SLC38A1: variants seen among roughly 807,000 people sequenced by gnomAD.
The protein encoded by SLC38A1 is solute carrier family 38 member 1.
In SLC38A1, 18 loss-of-function variants were observed where a neutral mutation model predicts 60.3. That is an observed-to-expected ratio of 0.30 (90% CI 0.21 to 0.44). The LOEUF is 0.44. Ranked by LOEUF, SLC38A1 falls within the 20% of genes least tolerant of loss-of-function variation. SLC38A1 has a pLI of 1.00. For synonymous variants in SLC38A1, 196 were observed against 212.1 expected (o/e 0.92, Z 0.66); for missense variants, 448 against 587.2 (o/e 0.76, Z 2.45).
chr12:46,236,703 C>A (rs1941272046), intron 3 of SLC38A1, among the ~76,000 whole-genome samples: 1 of 152,142 alleles, frequency 6.6e-6, no homozygotes, highest in Admixed American at 6.5e-5. Context: ...TTAAGACAGT[C>A]CCTTTTCACA....
intron 5 of SLC38A1, among the ~76,000 whole-genome samples, chr12:46,222,788 C>T (rs1022482692): frequency 6.6e-6 from 1 of 152,166 alleles, no homozygotes; most frequent in Non-Finnish European, 1.5e-5. Context: ...CAGGAACCCA[C>T]ATGACAAATA....
At chr12:46,256,842 C>T (rs1942046979) in intron 1 of SLC38A1, among the ~76,000 whole-genome samples, 1 of 152,208 alleles carries the variant, frequency 6.6e-6, no homozygotes, top group African/African-American at 2.4e-5. Flanking sequence ...ATAGACATTA[C>T]CACTGTGCTT....
At position 46,207,704 on chromosome 12, in the gene SLC38A1, C is replaced by T. The variant is rs371085595; in HGVS notation, c.389-83G>A. On this transcript the variant is annotated intron_variant, in intron 6 of 16. Coordinates refer to ENST00000398637, the MANE Select transcript of SLC38A1 (RefSeq NM_030674.4). The stretch of plus-strand genomic sequence containing the variant: ...AGTCAAGATTTTGTCATTCTATTGA[C>T]TGTTCCCCAAGTTACTATGTGCCTT... The T allele has an allele frequency of 5.2e-5, 70 of 1,335,638 alleles. No homozygotes were observed. The East Asian group carries it at 1.2e-3, about 23-fold the overall frequency. 82.7% of individuals were successfully genotyped at this position (1,335,638 alleles called of 1,614,324 possible). A position where few individuals can be genotyped will look rare whatever the true frequency, so the allele number is the denominator to read the frequency against.
chr12:46,190,192 G>GT lies in SLC38A1; in HGVS notation c.1363-1122dup, dbSNP rs531181837. On this transcript the variant is annotated intron_variant, in intron 16 of 16. Transcript: ENST00000398637. ...TATGAGTGAAAACATGCAGTGTTTG[G>GT]TTTTTTGTCCTTGTGATAGTTTGCT... Among the ~76,000 whole-genome samples, 474 of 152,220 alleles carry GT rather than the reference G, an allele frequency of 3.1e-3. 5 individuals carry two copies. Among genetic ancestry groups the GT allele is most frequent in the African/African-American group, 1.0e-2 (415 of 41,538 alleles).
intron 13 of SLC38A1, among the ~76,000 whole-genome samples, chr12:46,199,915 A>G (rs561262715): frequency 2.0e-5 from 3 of 152,204 alleles, no homozygotes; most frequent in Non-Finnish European, 4.4e-5. Context: ...AAGTTATAAT[A>G]CCAATCTCAC....
chr12:46,219,252 G>T (rs751965104), intron 5 of SLC38A1, among the ~76,000 whole-genome samples: 1 of 152,240 alleles, frequency 6.6e-6, no homozygotes, highest in Non-Finnish European at 1.5e-5. Flanking sequence ...AAGCAAGATA[G>T]AGTTGGTTAG....
intron 1 of SLC38A1, among the ~76,000 whole-genome samples, chr12:46,245,324 A>T (rs998464900): frequency 2.6e-5 from 4 of 152,236 alleles, no homozygotes; most frequent in African/African-American, 9.6e-5. Context: ...ACATTTCTCC[A>T]AAGAATACAT....
At chr12:46,258,921 T>A (rs1942114911) in intron 1 of SLC38A1, among the ~76,000 whole-genome samples, 1 of 152,218 alleles carries the variant, frequency 6.6e-6, no homozygotes, top group South Asian at 2.1e-4. Flanking sequence ...CCCAAAGTGC[T>A]GGGATTACAG....
intron 16 of SLC38A1, among the ~76,000 whole-genome samples, chr12:46,190,717 G>A (rs1318062257): frequency 6.6e-6 from 1 of 152,132 alleles, no homozygotes; most frequent in Non-Finnish European, 1.5e-5. Context: ...TGTGTCTGTT[G>A]ACTGCATAAA....
rs562374554 is a variant in SLC38A1 at position 46,216,739 on chromosome 12, G to A, written c.315-7612C>T. On this transcript the variant is annotated intron_variant, in intron 5 of 16. Transcript: ENST00000398637. ...CCTGGGCATAGCGGCGTATGCCTGT[G>A]GTCCCAGCTACTCGGGAGGCTGAGG... 3.3e-5 allele frequency among the ~76,000 whole-genome samples: 5 copies of A among 152,174 alleles called. No individual in the cohort carries two copies. The South Asian group carries it at 1.0e-3, about 32-fold the overall frequency.
chr12:46,236,395 C>G (rs1454984611), intron 3 of SLC38A1, among the ~76,000 whole-genome samples: 1 of 152,108 alleles, frequency 6.6e-6, no homozygotes, highest in African/African-American at 2.4e-5. Flanking sequence ...AGTGCAGAGC[C>G]TATGTTCTTA....
At chr12:46,200,155 T>G (rs1420682492) in intron 13 of SLC38A1, among the ~76,000 whole-genome samples, 1 of 152,192 alleles carries the variant, frequency 6.6e-6, no homozygotes, top group Admixed American at 6.5e-5. Context: ...CAACACCATT[T>G]TTATGTAAAA....
rs1041246227 is a variant in SLC38A1, at chr12:46,183,676, G to T, written c.*5294C>A. ...AACAATTTGTCATTTGGGTATATCT[G>T]TTTCTATAGGACAAGGATTTGTGTC... On this transcript the variant is annotated 3_prime_UTR_variant, in exon 17 of 17. Transcript: ENST00000398637. 1 of 152,150 alleles carries T rather than the reference G, an allele frequency of 6.6e-6. No individual in the cohort carries two copies. The highest frequency in any genetic ancestry group is 1.5e-5 in the Non-Finnish European group (1 of 68,030). 9.4% of individuals were successfully genotyped at this position (152,150 alleles called of 1,614,324 possible).
chr12:46,239,795 C>T lies in SLC38A1; in HGVS notation c.6G>A (p.Met2Ile), dbSNP rs1592133078. 1 of 1,612,628 alleles carries T rather than the reference C, an allele frequency of 6.2e-7. No homozygotes were observed. Among genetic ancestry groups the T allele is most frequent in the East Asian group, 2.2e-5 (1 of 44,872 alleles). MMHFKSGLELTE... is the reference protein window; with the variant it reads MIHFKSGLELTE... ...TTAATTCGAGTCCACTTTTGAAATG[C>T]ATCATGATTAGAAAGTGTCTGTAGT... Residue 2 changes from methionine to isoleucine, a missense_variant, in exon 3 of 17, where the codon ATG becomes ATA. Physicochemically the swap from Met to Ile is conservative, Grantham distance 10. Transcript: ENST00000398637.
intron 3 of SLC38A1, among the ~76,000 whole-genome samples, chr12:46,238,020 C>A (rs901298214): frequency 6.6e-6 from 1 of 151,844 alleles, no homozygotes; most frequent in South Asian, 2.1e-4. Context: ...TTTAGACAGA[C>A]CTGTGTGTAC....
At position 46,187,746 on chromosome 12, in the gene SLC38A1, T is replaced by G. The variant is rs1938985461; in HGVS notation, c.*1224A>C. 6.6e-6 allele frequency: 1 copy of G among 150,638 alleles called. No homozygotes were observed. The highest frequency in any genetic ancestry group is 2.4e-5 in the African/African-American group (1 of 40,938). The allele number at this position is 150,638 out of a possible 1,614,324, so 9.3% of individuals were successfully genotyped here. ...TGGGGGAAGGAAGGTACTCAGTGATTCTGTCAGAAGCTCTTCACAAAGACT... is the reference window on the plus strand; with the variant it reads ...TGGGGGAAGGAAGGTACTCAGTGATGCTGTCAGAAGCTCTTCACAAAGACT... On this transcript the variant is annotated 3_prime_UTR_variant, in exon 17 of 17. Coordinates refer to ENST00000398637, the MANE Select transcript of SLC38A1 (RefSeq NM_030674.4).
chr12:46,252,474 C>G (rs1941882774), intron 1 of SLC38A1, among the ~76,000 whole-genome samples: 1 of 151,754 alleles, frequency 6.6e-6, no homozygotes. Context: ...TACCCTAGAA[C>G]TATAATATAT....
At chr12:46,234,486 C>T (rs1423724756) in intron 3 of SLC38A1, among the ~76,000 whole-genome samples, 1 of 136,492 alleles carries the variant, frequency 7.3e-6, no homozygotes, top group Admixed American at 7.7e-5. Context: ...CTCTGTCTTT[C>T]GCCCAGGCCG....
chr12:46,268,676 G>C lies in SLC38A1; in HGVS notation c.-359C>G. 3.5e-6 allele frequency: 1 copy of C among 287,106 alleles called. No homozygotes were observed. The highest frequency in any genetic ancestry group is 7.4e-6 in the Non-Finnish European group (1 of 134,578). The allele number at this position is 287,106 out of a possible 1,614,324, so 17.8% of individuals were successfully genotyped here. On this transcript the variant is annotated 5_prime_UTR_variant, in exon 1 of 17. Coordinates refer to ENST00000398637, the MANE Select transcript of SLC38A1 (RefSeq NM_030674.4). The surrounding 1 kb of genome is among the most constrained non-coding windows in gnomAD (Gnocchi z 4.4). ...CCCCCGTCAGTAAGGGTTGGGCAGG[G>C]AGCTTGGCGTGGCCTGGCGGATTTC... is the stretch of plus-strand genomic sequence containing the variant.
Sources: gnomAD v4.1 joint callset for allele counts (sites outside exome capture counted in the v4.1 genomes callset) on GRCh38, gnomAD v4.1.1 for gene constraint, Gnocchi (gnomAD v3.1) non-coding constraint, MANE v1.5 for transcripts, NCBI Gene and HGNC (gene_info 2026-07-23, HGNC 2026-07-21) for gene names.